The following TOP1 variants were observed in gnomAD, a reference collection of about 807,000 sequenced individuals.
TOP1 encodes the protein DNA topoisomerase I.
In TOP1, 10 loss-of-function variants were observed where a neutral mutation model predicts 111.1. That is an observed-to-expected ratio of 0.09 (90% CI 0.06 to 0.15). TOP1 has a LOEUF of 0.15. Among genes scored for constraint, TOP1 ranks in the 10% least tolerant of loss-of-function variants. The pLI, the probability that TOP1 is intolerant of heterozygous loss-of-function variation, is 1.00. For missense variants in TOP1, 474 were observed against 926.7 expected (o/e 0.51, Z 6.34); for synonymous variants, 271 against 302.9 (o/e 0.89, Z 1.10).
rs565953625 is a variant in TOP1 at position 41,049,942 on chromosome 20, A to G, written c.59-11452A>G. Among the ~76,000 whole-genome samples, 20 of 152,336 alleles carry G rather than the reference A, an allele frequency of 1.3e-4. 1 individual carries two copies. In the South Asian group the frequency reaches 2.5e-3, roughly 19 times the overall value. ...TGACAAAAATTCTTGTTTATATGCA[A>G]TACACATTTAGGGAGAATAAATGGT... On this transcript the variant is annotated intron_variant, in intron 2 of 20. Transcript: ENST00000361337.
rs566287941 is a variant in TOP1, at chr20:41,116,163, G to A, written c.1708-115G>A. ...TTCCTCTTTCCCTAACTTCCCACTT[G>A]TAGGGCAATAAACTTGACAAGATTG... On this transcript the variant is annotated intron_variant, in intron 16 of 20. Transcript: ENST00000361337. This position sits in a 1 kb window ranked among gnomAD's most constrained non-coding sequence, Gnocchi z 5.6. The A allele has an allele frequency of 9.6e-4, 629 of 653,994 alleles. 2 individuals carry two copies. Among genetic ancestry groups the A allele is most frequent in the Admixed American group, 2.7e-3 (104 of 38,748 alleles). The allele number at this position is 653,994 out of a possible 1,614,324, so 40.5% of individuals were successfully genotyped here.
chr20:41,066,128 T>C (rs773170317), intron 3 of TOP1, among the ~76,000 whole-genome samples: 2 of 152,206 alleles, frequency 1.3e-5, no homozygotes, highest in Non-Finnish European at 2.9e-5. Context: ...AAACATAAGC[T>C]TTTGAAAACT....
At chr20:41,049,957 G>C (rs374096645) in intron 2 of TOP1, among the ~76,000 whole-genome samples, 2 of 152,138 alleles carry the variant, frequency 1.3e-5, no homozygotes, top group South Asian at 2.1e-4. Context: ...CATTTAGGGA[G>C]AATAAATGGT....
intron 7 of TOP1, 71 bp downstream of exon 7, chr20:41,081,311 A>T (rs2145938434): frequency 6.6e-7 from 1 of 1,505,104 alleles, no homozygotes; most frequent in Non-Finnish European, 8.9e-7. Context: ...GCAACTTCTT[A>T]AGACAAATGA....
At position 41,123,378 on chromosome 20, in the gene TOP1, G is replaced by A. The variant is rs1281364957; in HGVS notation, c.*81G>A. Reference sequence around the variant, plus strand: ...GATAAACTGAGCCTCACTTGCCCTCGTGCCTGGGGGAGAGAGGCAGCAAGT... The same window carrying A: ...GATAAACTGAGCCTCACTTGCCCTCATGCCTGGGGGAGAGAGGCAGCAAGT... On this transcript the variant is annotated 3_prime_UTR_variant, in exon 21 of 21. Coordinates refer to ENST00000361337, the MANE Select transcript of TOP1 (RefSeq NM_003286.4). This position sits in a 1 kb window ranked among gnomAD's most constrained non-coding sequence, Gnocchi z 5.8. 2.7e-5 allele frequency: 27 copies of A among 990,514 alleles called. No individual in the cohort carries two copies. Among genetic ancestry groups the A allele is most frequent in the South Asian group, 1.4e-4 (10 of 70,472 alleles). The allele number at this position is 990,514 out of a possible 1,614,324, so 61.4% of individuals were successfully genotyped here. A position where few individuals can be genotyped will look rare whatever the true frequency, so the allele number is the denominator to read the frequency against.
intron 3 of TOP1, among the ~76,000 whole-genome samples, chr20:41,075,109 G>GT (rs954366281): frequency 5.5e-4 from 84 of 151,962 alleles, no homozygotes; most frequent in African/African-American, 1.5e-3. Flanking sequence ...GTTCGTTTTT[G>GT]TTTTTTTCTG....
At position 41,061,119 on chromosome 20, in the gene TOP1, G is replaced by A. The variant is rs1167819713; in HGVS notation, c.59-275G>A. Among the ~76,000 whole-genome samples the A allele has an allele frequency of 6.6e-6, 1 of 152,156 alleles. No homozygotes were observed. Among genetic ancestry groups the A allele is most frequent in the Non-Finnish European group, 1.5e-5 (1 of 68,022 alleles). ...CAGGCTTAATAGTATTATGTCTAGG[G>A]AGAAAAACGCCAAACTGTGGCTTCT... On this transcript the variant is annotated intron_variant, in intron 2 of 20. Coordinates refer to ENST00000361337, the MANE Select transcript of TOP1 (RefSeq NM_003286.4). The surrounding 1 kb of genome is among the most constrained non-coding windows in gnomAD (Gnocchi z 4.6).
chr20:41,070,641 C>G (rs111843954), intron 3 of TOP1, among the ~76,000 whole-genome samples: 13 of 152,236 alleles, frequency 8.5e-5, no homozygotes, highest in African/African-American at 3.1e-4. Flanking sequence ...CTTTGAAGCT[C>G]TCTGTGCTGT....
Position 41,029,136 on chromosome 20 carries a change from C to G in TOP1, c.33+36C>G. 7.0e-7 allele frequency: 1 copy of G among 1,437,362 alleles called. No individual in the cohort carries two copies. Among genetic ancestry groups the G allele is most frequent in the Admixed American group, 2.9e-5 (1 of 34,808 alleles). 89.0% of individuals were successfully genotyped at this position (1,437,362 alleles called of 1,614,324 possible). On this transcript the variant is annotated intron_variant, in intron 1 of 20. Transcript: ENST00000361337. This position sits in a 1 kb window ranked among gnomAD's most constrained non-coding sequence, Gnocchi z 6.1. Reference sequence around the variant, plus strand: ...GCCTGACCCTGGCGGCCCCGGACCCCGGCCTGGCCGTCCCGCGACCCCCGG... The same window carrying G: ...GCCTGACCCTGGCGGCCCCGGACCCGGGCCTGGCCGTCCCGCGACCCCCGG...
chr20:41,084,343 A>G (rs984451866), intron 7 of TOP1, 119 bp from the exon 8 acceptor site: 1 of 521,580 alleles, frequency 1.9e-6, no homozygotes, highest in African/African-American at 1.9e-5. Context: ...GAGTACTAAG[A>G]TCTTCTTTAG....
chr20:41,113,730 A>AT (rs1341138070), intron 14 of TOP1, among the ~76,000 whole-genome samples: 21 of 150,290 alleles, frequency 1.4e-4, no homozygotes, highest in African/African-American at 5.2e-4. Flanking sequence ...AAAAAAAAAA[A>AT]AATAAAAATT....
rs192837961 is a variant in TOP1 at position 41,053,208 on chromosome 20, C to T, written c.59-8186C>T. Among the ~76,000 whole-genome samples, 366 of 152,238 alleles carry T rather than the reference C, an allele frequency of 2.4e-3. 2 individuals are homozygous for T. The highest frequency in any genetic ancestry group is 0.011 in the South Asian group (52 of 4,820). ...TGTTGCAACTCATTTCTTGCTGCAGCGTAGCACATCCACCAAGAATGCCCT... is the reference window on the plus strand; with the variant it reads ...TGTTGCAACTCATTTCTTGCTGCAGTGTAGCACATCCACCAAGAATGCCCT... On this transcript the variant is annotated intron_variant, in intron 2 of 20. Coordinates refer to ENST00000361337, the MANE Select transcript of TOP1 (RefSeq NM_003286.4).
rs1309329942 is a variant in TOP1 at position 41,094,785 on chromosome 20, A to C, written c.730+2198A>C. 6.6e-6 allele frequency among the ~76,000 whole-genome samples: 1 copy of C among 152,192 alleles called. No homozygotes were observed. Among genetic ancestry groups the C allele is most frequent in the Non-Finnish European group, 1.5e-5 (1 of 68,032 alleles). ...TTGCCAGGGAGGTGGGGCATGGGCT[A>C]GCTGAAGCAGTGAATTACTGCCTTC... On this transcript the variant is annotated intron_variant, in intron 9 of 20. Coordinates refer to ENST00000361337, the MANE Select transcript of TOP1 (RefSeq NM_003286.4). The surrounding 1 kb of genome is among the most constrained non-coding windows in gnomAD (Gnocchi z 4.4).
Position 41,053,044 on chromosome 20 carries a change from A to C in TOP1, c.59-8350A>C, listed in dbSNP as rs1163432499. 3.9e-5 allele frequency among the ~76,000 whole-genome samples: 6 copies of C among 152,166 alleles called. No individual in the cohort carries two copies. The South Asian group carries it at 1.2e-3, about 32-fold the overall frequency. ...GACACATGACTTTAGGGAGATAAAC[A>C]TAACTCTGGGATTTTATTTTTTAAT... is the stretch of plus-strand genomic sequence containing the variant. On this transcript the variant is annotated intron_variant, in intron 2 of 20. Coordinates refer to ENST00000361337, the MANE Select transcript of TOP1 (RefSeq NM_003286.4).
At chr20:41,044,628 C>A (rs1252313447) in intron 2 of TOP1, among the ~76,000 whole-genome samples, 1 of 152,188 alleles carries the variant, frequency 6.6e-6, no homozygotes, top group Admixed American at 6.5e-5. Flanking sequence ...AGGGAAAAGT[C>A]CTTGACTGGG....
Position 41,029,419 on chromosome 20 carries a change from T to C in TOP1, c.34-12T>C. On this transcript the variant is annotated splice_polypyrimidine_tract_variant and intron_variant, in intron 1 of 20. Coordinates refer to ENST00000361337, the MANE Select transcript of TOP1 (RefSeq NM_003286.4). This position sits in a 1 kb window ranked among gnomAD's most constrained non-coding sequence, Gnocchi z 6.1. ...GGCTGTTGTTTGATATTCTCTCCTT[T>C]TCTTTTTCCAGATCGAAGCGGATTT... 1.3e-6 allele frequency: 2 copies of C among 1,481,768 alleles called. No homozygotes were observed. The highest frequency in any genetic ancestry group is 1.8e-6 in the Non-Finnish European group (2 of 1,114,032). The allele number at this position is 1,481,768 out of a possible 1,614,324, so 91.8% of individuals were successfully genotyped here.
rs752185915 is a variant in TOP1 at position 41,080,087 on chromosome 20, C to T, written c.338C>T (p.Pro113Leu). 17 of 1,605,136 alleles carry T rather than the reference C, an allele frequency of 1.1e-5. No homozygotes were observed. The South Asian group carries it at 1.9e-4, about 18-fold the overall frequency. The stretch of plus-strand genomic sequence containing the variant: ...CCAGCAATTTTTTTTCTCTTTAGTC[C>T]ACCACAAATTAAAGATGAACCTGAA... The part of the protein sequence containing the change: ...KKEKENGFSS[P>L]PQIKDEPEDD... The change falls in exon 6 of 21, where the codon CCA becomes CTA. Residue 113 changes from proline to leucine, a missense_variant and splice_region_variant. By Grantham distance (98) the Pro-to-Leu change is moderately conservative. Coordinates refer to ENST00000361337, the MANE Select transcript of TOP1 (RefSeq NM_003286.4). The surrounding 1 kb of genome is among the most constrained non-coding windows in gnomAD (Gnocchi z 5.0).
rs189607297 is a variant in TOP1 at position 41,054,261 on chromosome 20, C to T, written c.59-7133C>T. ...CATGCTGTTCTTGTGATAGTGAGTTCTCATGAGGTCCGATGGTTTTATAAG... is the reference window on the plus strand; with the variant it reads ...CATGCTGTTCTTGTGATAGTGAGTTTTCATGAGGTCCGATGGTTTTATAAG... On this transcript the variant is annotated intron_variant, in intron 2 of 20. Coordinates refer to ENST00000361337, the MANE Select transcript of TOP1 (RefSeq NM_003286.4). 2.2e-3 allele frequency among the ~76,000 whole-genome samples: 338 copies of T among 152,180 alleles called. 1 individual carries two copies. The highest frequency in any genetic ancestry group is 3.5e-3 in the Non-Finnish European group (238 of 68,012).
chr20:41,041,405 G>A (rs1260099744), intron 2 of TOP1, among the ~76,000 whole-genome samples: 1 of 133,346 alleles, frequency 7.5e-6, no homozygotes, highest in Admixed American at 8.4e-5. Flanking sequence ...AGCCATGTTT[G>A]CCCTACTGTG....
Sources: allele counts gnomAD v4.1 joint callset (sites outside exome capture counted in the v4.1 genomes callset), GRCh38; gene constraint gnomAD v4.1.1; non-coding constraint Gnocchi (gnomAD v3.1); transcripts MANE v1.5; gene names NCBI Gene and HGNC (gene_info 2026-07-23, HGNC 2026-07-21).